Variants in LARGE1 observed in about 807,000 individuals in gnomAD.
The protein encoded by LARGE1 is xylosyl- and glucuronyltransferase LARGE1.
In LARGE1, 43 loss-of-function variants were observed where a neutral mutation model predicts 87.6. The observed-to-expected ratio is 0.49, with a 90% CI of 0.38 to 0.63. The LOEUF is 0.63. LARGE1 is among the 30% of genes least tolerant of loss of function. The pLI, the probability that LARGE1 is intolerant of heterozygous loss-of-function variation, is 0.00. For missense variants in LARGE1, 802 were observed against 1,000.2 expected, an observed-to-expected ratio of 0.80 and a Z score of 2.67; for synonymous variants, 434 against 394.6, an observed-to-expected ratio of 1.10 and a Z score of -1.18.
chr22:33,244,216 C>T (rs1351824835), intron 11 of LARGE1, among the ~76,000 whole-genome samples: 6 of 151,742 alleles, frequency 4.0e-5, no homozygotes, highest in Admixed American at 6.6e-5. Flanking sequence ...AGGATGGTCT[C>T]GATCTCCTGA....
intron 5 of LARGE1, chr22:33,572,283 AAC>A: frequency 2.1e-6 from 2 of 945,404 alleles, no homozygotes; most frequent in Non-Finnish European, 2.9e-6. Context: ...CTTGGCAACC[AAC>A]CTATATGTTC....
At chr22:33,357,443 A>G (rs1489010354) in intron 9 of LARGE1, among the ~76,000 whole-genome samples, 1 of 152,142 alleles carries the variant, frequency 6.6e-6, no homozygotes, top group South Asian at 2.1e-4. Flanking sequence ...AAAAGCCCCG[A>G]CTTCATCACT....
chr22:33,864,606 A>C (rs2064030945), intron 1 of LARGE1, among the ~76,000 whole-genome samples: 1 of 152,210 alleles, frequency 6.6e-6, no homozygotes, highest in African/African-American at 2.4e-5. Context: ...CACTATCCCC[A>C]GTACCATGCA....
At chr22:33,889,676 G>A (rs1486841439) in intron 1 of LARGE1, among the ~76,000 whole-genome samples, 3 of 152,198 alleles carry the variant, frequency 2.0e-5, no homozygotes, top group Non-Finnish European at 4.4e-5. Flanking sequence ...AAACAAAGGA[G>A]ATGCAAGCAA....
rs981168646 is a variant in LARGE1 at position 33,470,051 on chromosome 22, G to A, written c.788-37786C>T. Among the ~76,000 whole-genome samples, 7 of 151,136 alleles carry A rather than the reference G, an allele frequency of 4.6e-5. No homozygotes were observed. The East Asian group carries it at 6.0e-4, about 13-fold the overall frequency. ...ACTACAGGCTCCTGCCACCACGCCC[G>A]GCTAATTTTTTGTATTTTTTAGTAG... On this transcript the variant is annotated intron_variant, in intron 6 of 14. Coordinates refer to ENST00000397394, the MANE Select transcript of LARGE1 (RefSeq NM_133642.5).
At chr22:33,366,314 G>C (rs1379177386) in intron 9 of LARGE1, among the ~76,000 whole-genome samples, 1 of 152,166 alleles carries the variant, frequency 6.6e-6, no homozygotes, top group East Asian at 1.9e-4. Context: ...CCAACTAATT[G>C]CACGGCCCTG....
At chr22:33,606,432 T>TAAAAA (rs2079264776) in intron 4 of LARGE1, among the ~76,000 whole-genome samples, 1 of 150,372 alleles carries the variant, frequency 6.7e-6, no homozygotes, top group South Asian at 2.1e-4. Flanking sequence ...TAAAATGAAA[T>TAAAAA]AAAATAAAAT....
rs1357656054 is a variant in LARGE1 at position 33,892,128 on chromosome 22, CAA to C, written c.-83+27865_-83+27866del. ...AGGATTCACGTCTGAATCATGTTAG[CAA>C]CCCACCACATCAGTCATTTGTTGCA... On this transcript the variant is annotated intron_variant, in intron 1 of 14. Transcript: ENST00000397394. 2.0e-5 allele frequency among the ~76,000 whole-genome samples: 3 copies of C among 152,340 alleles called. No homozygotes were observed. In the East Asian group the frequency reaches 5.8e-4, roughly 29 times the overall value.
chr22:33,221,962 C>G (rs1216587531), intron 11 of LARGE1, among the ~76,000 whole-genome samples: 1 of 152,194 alleles, frequency 6.6e-6, no homozygotes. Flanking sequence ...ATCAACTAAA[C>G]ATTTTCACTG....
intron 11 of LARGE1, among the ~76,000 whole-genome samples, chr22:33,210,343 G>A (rs1248039364): frequency 6.6e-6 from 1 of 152,230 alleles, no homozygotes; most frequent in Non-Finnish European, 1.5e-5. Flanking sequence ...TTTAAAAAAT[G>A]AAGTTAGCGT....
At chr22:33,539,949 A>C (rs1013654046) in intron 6 of LARGE1, among the ~76,000 whole-genome samples, 2 of 152,020 alleles carry the variant, frequency 1.3e-5, no homozygotes, top group Non-Finnish European at 1.5e-5. Flanking sequence ...CCCGGGATAA[A>C]ATTCCCAGCT....
intron 9 of LARGE1, among the ~76,000 whole-genome samples, chr22:33,370,975 C>A (rs745346668): frequency 6.7e-6 from 1 of 149,466 alleles, no homozygotes; most frequent in African/African-American, 2.5e-5. Flanking sequence ...GTTATGTCTA[C>A]ATAGTAAAAT....
At chr22:33,304,636 G>A (rs1171923968) in intron 11 of LARGE1, 129 bp from the exon 12 acceptor site, 1 of 965,528 alleles carries the variant, frequency 1.0e-6, no homozygotes, top group South Asian at 1.7e-5. Flanking sequence ...TGCTTTCAAC[G>A]TTGACTCACT....
intron 4 of LARGE1, among the ~76,000 whole-genome samples, chr22:33,617,478 C>T (rs1048391495): frequency 2.0e-5 from 3 of 152,210 alleles, no homozygotes; most frequent in African/African-American, 7.2e-5. Context: ...ATAATAAAAA[C>T]TCATTCAGAG....
intron 5 of LARGE1, among the ~76,000 whole-genome samples, chr22:33,572,540 G>A (rs2078237182): frequency 6.6e-6 from 1 of 152,186 alleles, no homozygotes; most frequent in South Asian, 2.1e-4. Flanking sequence ...CATTAAATGA[G>A]GTAGGAGAGT....
rs1186663464 is a variant in LARGE1 at position 33,878,129 on chromosome 22, CTTT to C, written c.-83+41863_-83+41865del. Among the ~76,000 whole-genome samples, 43 of 44,654 alleles carry C rather than the reference CTTT, an allele frequency of 9.6e-4. 1 individual carries two copies. Among genetic ancestry groups the C allele is most frequent in the East Asian group, 2.1e-3 (2 of 968 alleles). 29.3% of individuals were successfully genotyped at this position (44,654 alleles called of 152,430 possible). On this transcript the variant is annotated intron_variant, in intron 1 of 14. Transcript: ENST00000397394. ...TATGTATGTTGTTTATATTGTATTT[CTTT>C]TTTTTTTTTTTTTTTTTTTTTTAGA...
chr22:33,837,909 CG>C (rs2063155701), intron 1 of LARGE1, among the ~76,000 whole-genome samples: 1 of 152,170 alleles, frequency 6.6e-6, no homozygotes, highest in East Asian at 1.9e-4. Flanking sequence ...CTTTAGAACA[CG>C]GGCCAGCAAA....
intron 12 of LARGE1, among the ~76,000 whole-genome samples, chr22:33,290,656 ACATGGAGGTCGCTG>A (rs954037504): frequency 2.0e-5 from 3 of 152,216 alleles, no homozygotes; most frequent in African/African-American, 7.2e-5. Context: ...GGGTTTGGCA[ACATGGAGGTCGCTG>A]GTGGCATCTT....
At chr22:33,896,378 C>T (rs535697067) in intron 1 of LARGE1, among the ~76,000 whole-genome samples, 4 of 152,306 alleles carry the variant, frequency 2.6e-5, no homozygotes, top group South Asian at 4.1e-4. Context: ...TTGTGAATGA[C>T]GCTGCTATGA....
Sources: allele counts gnomAD v4.1 joint callset (sites outside exome capture counted in the v4.1 genomes callset), GRCh38; gene constraint gnomAD v4.1.1; transcripts MANE v1.5; gene names NCBI Gene and HGNC (gene_info 2026-07-23, HGNC 2026-07-21).